Variants in TACC2 observed in about 807,000 individuals in gnomAD.
The protein encoded by TACC2 is transforming acidic coiled-coil containing protein 2.
TACC2 carries 137 observed loss-of-function variants against 227.3 expected under a neutral mutation model. That is an observed-to-expected ratio of 0.60 (90% CI 0.52 to 0.69). TACC2 has a LOEUF of 0.69. TACC2 is among the 30% of genes least tolerant of loss of function. TACC2 has a pLI of 0.00. For missense variants in TACC2, 3,470 were observed against 3,694.4 expected (o/e 0.94, Z 1.57); for synonymous variants, 1,523 against 1,487.5 (o/e 1.02, Z -0.55).
intron 5 of TACC2, among the ~76,000 whole-genome samples, chr10:122,118,160 A>G (rs1341325460): frequency 1.3e-5 from 2 of 151,848 alleles, no homozygotes; most frequent in Admixed American, 1.3e-4. Context: ...GACTACAGGC[A>G]TGTGCCACCA....
chr10:122,031,650 G>A (rs190992042), intron 2 of TACC2, among the ~76,000 whole-genome samples: 1,820 of 151,890 alleles, frequency 0.012, 31 homozygotes, highest in African/African-American at 0.04. Flanking sequence ...TGATCCACCC[G>A]CCTTGGCCTC....
At chr10:122,091,953 A>G (rs2080867587) in intron 5 of TACC2, among the ~76,000 whole-genome samples, 1 of 152,228 alleles carries the variant, frequency 6.6e-6, no homozygotes, top group African/African-American at 2.4e-5. Flanking sequence ...AATGGGGATG[A>G]CACCAATTGT....
At chr10:122,213,920 CG>C (rs1453649807) in intron 9 of TACC2, among the ~76,000 whole-genome samples, 2 of 152,186 alleles carry the variant, frequency 1.3e-5, no homozygotes, top group Non-Finnish European at 2.9e-5. Context: ...TGAGAGCCAT[CG>C]CCAGGCTGCC....
intron 1 of TACC2, among the ~76,000 whole-genome samples, chr10:122,005,054 G>T (rs545106697): frequency 6.6e-6 from 1 of 151,860 alleles, no homozygotes; most frequent in East Asian, 1.9e-4. Context: ...GAATCTCATG[G>T]GTGTAGAATT....
At chr10:122,042,453 G>A (rs889686773) in intron 2 of TACC2, among the ~76,000 whole-genome samples, 1 of 152,024 alleles carries the variant, frequency 6.6e-6, no homozygotes, top group East Asian at 1.9e-4. Flanking sequence ...ATGTTGGCCA[G>A]GCTGGTCTCG....
intron 5 of TACC2, among the ~76,000 whole-genome samples, chr10:122,123,726 G>A (rs1163123792): frequency 3.3e-5 from 5 of 151,844 alleles, no homozygotes; most frequent in African/African-American, 1.2e-4. Flanking sequence ...CTTTCACTCT[G>A]TTGGTGAGAA....
In TACC2 at chr10:122,195,248, C is replaced by T. The variant is rs527779658; in HGVS notation, c.5971+72C>T. ...GCCCTGGGGGAGATTTGCAGCAGTT[C>T]CTCCTGGGTCAGGCTGGAGGCGAGC... On this transcript the variant is annotated intron_variant, in intron 8 of 22. Coordinates refer to ENST00000369005, the MANE Select transcript of TACC2 (RefSeq NM_206862.4). The T allele has an allele frequency of 4.3e-6, 6 of 1,397,670 alleles. No homozygotes were observed. In the South Asian group the frequency reaches 5.4e-5, roughly 13 times the overall value. The allele number at this position is 1,397,670 out of a possible 1,614,324, so 86.6% of individuals were successfully genotyped here. A position where few individuals can be genotyped will look rare whatever the true frequency, so the allele number is the denominator to read the frequency against.
chr10:122,048,229 C>A (rs1036950117), intron 2 of TACC2, among the ~76,000 whole-genome samples: 1 of 152,086 alleles, frequency 6.6e-6, no homozygotes, highest in African/African-American at 2.4e-5. Context: ...TCCTGGGGGA[C>A]CTTGGGGGCT....
Position 122,209,281 on chromosome 10 carries a change from G to A in TACC2, c.5972-1116G>A, listed in dbSNP as rs1010509858. Among the ~76,000 whole-genome samples, 1 of 152,104 alleles carries A rather than the reference G, an allele frequency of 6.6e-6. No homozygotes were observed. Among genetic ancestry groups the A allele is most frequent in the Non-Finnish European group, 1.5e-5 (1 of 68,012 alleles). On this transcript the variant is annotated intron_variant, in intron 8 of 22. Coordinates refer to ENST00000369005, the MANE Select transcript of TACC2 (RefSeq NM_206862.4). This position sits in a 1 kb window ranked among gnomAD's most constrained non-coding sequence, Gnocchi z 4.5. ...GCTACTACAGGTGCCGGGGGCCTCCGTGTACAGGCTCCCCTGATCTTCACA... is the reference window on the plus strand; with the variant it reads ...GCTACTACAGGTGCCGGGGGCCTCCATGTACAGGCTCCCCTGATCTTCACA...
chr10:122,132,540 A>G, intron 5 of TACC2, 69 bp from the exon 6 acceptor site: 6 of 1,596,278 alleles, frequency 3.8e-6, no homozygotes, highest in Non-Finnish European at 5.1e-6. Flanking sequence ...GAAAAGCGAA[A>G]CTCCGTCTCA....
chr10:122,185,430 T>C (rs2094151586), intron 7 of TACC2, among the ~76,000 whole-genome samples: 1 of 151,808 alleles, frequency 6.6e-6, no homozygotes, highest in African/African-American at 2.4e-5. Flanking sequence ...TCCTGACCTC[T>C]AGCGGTCCAC....
In TACC2 at chr10:122,216,738, G is replaced by C; in HGVS notation, c.7456G>C (p.Val2486Leu). 6.2e-7 allele frequency: 1 copy of C among 1,614,154 alleles called. No individual in the cohort carries two copies. The highest frequency in any genetic ancestry group is 8.5e-7 in the Non-Finnish European group (1 of 1,180,040). ...VTNQKWTCMT[V>L]DLEADKQDYP... ...CAACCAGAAGTGGACGTGCATGACA[G>C]TGGACCTAGAGGCTGACAAACAGGA... The change falls in exon 11 of 23, where the codon GTG becomes CTG. Residue 2486 changes from valine (V) to leucine (L), a missense_variant. Val to Leu is a conservative substitution (Grantham distance 32, BLOSUM62 1). Coordinates refer to ENST00000369005, the MANE Select transcript of TACC2 (RefSeq NM_206862.4).
chr10:122,129,190 C>G (rs893617948), intron 5 of TACC2, among the ~76,000 whole-genome samples: 4 of 151,718 alleles, frequency 2.6e-5, no homozygotes. Flanking sequence ...AAGCGATTCT[C>G]CTGCCTCAGG....
chr10:122,007,722 C>A (rs959663964), intron 1 of TACC2, among the ~76,000 whole-genome samples: 1 of 151,574 alleles, frequency 6.6e-6, no homozygotes, highest in South Asian at 2.1e-4. Context: ...TCTTTTTTTT[C>A]TTTCTTTTCC....
rs1413974609 is a variant in TACC2 at position 122,082,639 on chromosome 10, A to T, written c.147-8A>T. 6.3e-7 allele frequency: 1 copy of T among 1,597,972 alleles called. No individual in the cohort carries two copies. Among genetic ancestry groups the T allele is most frequent in the African/African-American group, 1.3e-5 (1 of 74,240 alleles). ...CATGATAACCAATGAAACATTAAAT[A>T]TTTTCAGCATTGGCAGCGTTGGGCT... On this transcript the variant is annotated splice_polypyrimidine_tract_variant and splice_region_variant and intron_variant, in intron 3 of 22. Transcript: ENST00000369005.
At chr10:121,998,623 C>T (rs886096009) in intron 1 of TACC2, among the ~76,000 whole-genome samples, 1 of 152,122 alleles carries the variant, frequency 6.6e-6, no homozygotes, top group African/African-American at 2.4e-5. Context: ...TGATGAGTGA[C>T]TACTCTGAAT....
At chr10:122,162,579 C>T (rs2092886363) in intron 7 of TACC2, among the ~76,000 whole-genome samples, 1 of 152,128 alleles carries the variant, frequency 6.6e-6, no homozygotes, top group Non-Finnish European at 1.5e-5. Context: ...CAGGTGTGCC[C>T]CAAACCTCCT....
intron 19 of TACC2, among the ~76,000 whole-genome samples, chr10:122,242,653 CT>C (rs1381176615): frequency 6.6e-6 from 1 of 151,436 alleles, no homozygotes; most frequent in African/African-American, 2.4e-5. Flanking sequence ...CTTTTCTTTT[CT>C]TTTTTTTTAA....
rs1282547737 is a variant in TACC2, at chr10:122,066,122, G to C, written c.146+15572G>C. ...ATACTTTTTTTTTTTTTTGAGACAG[G>C]GTCTCACTCTATCACCCAGGCTGCT... On this transcript the variant is annotated intron_variant, in intron 3 of 22. Coordinates refer to ENST00000369005, the MANE Select transcript of TACC2 (RefSeq NM_206862.4). Among the ~76,000 whole-genome samples the C allele has an allele frequency of 2.0e-5, 3 of 150,880 alleles. No homozygotes were observed. The South Asian group carries it at 6.3e-4, about 32-fold the overall frequency.
Sources: gnomAD v4.1 joint callset for allele counts (sites outside exome capture counted in the v4.1 genomes callset) on GRCh38, gnomAD v4.1.1 for gene constraint, Gnocchi (gnomAD v3.1) non-coding constraint, MANE v1.5 for transcripts, NCBI Gene and HGNC (gene_info 2026-07-23, HGNC 2026-07-21) for gene names.